Variants in MID1 observed in about 807,000 individuals in gnomAD.
The protein encoded by MID1 is midline 1.
A neutral mutation model predicts 40.4 loss-of-function variants in MID1; 7 were observed. The ratio of observed to expected loss-of-function variants is 0.17; its 90% CI spans 0.10 to 0.33. The LOEUF is 0.33. Ranked by LOEUF, MID1 falls within the 10% of genes least tolerant of loss-of-function variation. The pLI is 1.00. For missense variants in MID1, 367 were observed against 558.5 expected, an observed-to-expected ratio of 0.66 and a Z score of 3.46; for synonymous variants, 229 against 221.2, an observed-to-expected ratio of 1.04 and a Z score of -0.31.
intron 7 of MID1, among the ~76,000 whole-genome samples, chrX:10,463,805 A>C (rs1929188547): frequency 8.9e-6 from 1 of 112,730 alleles, no homozygotes; most frequent in Non-Finnish European, 1.9e-5. Context: ...AAGACTGCAG[A>C]GCTAGTGAGG....
intron 1 of MID1, among the ~76,000 whole-genome samples, chrX:10,736,423 T>C (rs1293562156): frequency 8.9e-6 from 1 of 112,288 alleles, no homozygotes; most frequent in Non-Finnish European, 1.9e-5. Flanking sequence ...CTCCAGGATG[T>C]TCATATGCCA....
At chrX:10,661,396 T>A (rs1026754178) in intron 1 of MID1, among the ~76,000 whole-genome samples, 21 of 108,581 alleles carry the variant, frequency 1.9e-4, no homozygotes, top group Non-Finnish European at 3.4e-4. Context: ...CACTGCAAAC[T>A]CTACCTTCTG....
At chrX:10,535,786 A>T (rs955844100) in intron 2 of MID1, among the ~76,000 whole-genome samples, 4 of 112,498 alleles carry the variant, frequency 3.6e-5, no homozygotes, top group African/African-American at 1.3e-4. Flanking sequence ...GAAAAACATT[A>T]AAAAAATTCT....
chrX:10,455,392 C>CCAGTT (rs1928598776), intron 8 of MID1, among the ~76,000 whole-genome samples: 1 of 111,641 alleles, frequency 9.0e-6, no homozygotes, highest in South Asian at 3.8e-4. Context: ...TTTCAGTCTA[C>CCAGTT]CAGTTCTAAG....
intron 1 of MID1, among the ~76,000 whole-genome samples, chrX:10,722,329 G>C (rs1300753369): frequency 8.9e-6 from 1 of 112,190 alleles, no homozygotes; most frequent in East Asian, 2.8e-4. Context: ...CTAAGGATAT[G>C]AGATGTGCCT....
At chrX:10,757,817 T>C (rs910662968) in intron 1 of MID1, among the ~76,000 whole-genome samples, 3 of 110,951 alleles carry the variant, frequency 2.7e-5, no homozygotes, top group Non-Finnish European at 5.7e-5. Context: ...TAAAGGGGGG[T>C]TTCTATTTTT....
At chrX:10,496,601 A>G (rs1387111945) in intron 3 of MID1, among the ~76,000 whole-genome samples, 1 of 112,634 alleles carries the variant, frequency 8.9e-6, no homozygotes, top group East Asian at 2.8e-4. Context: ...AAAGAATGAC[A>G]ATGGCATTGA....
intron 3 of MID1, among the ~76,000 whole-genome samples, chrX:10,512,599 G>A (rs1932212613): frequency 8.9e-6 from 1 of 111,861 alleles, no homozygotes; most frequent in African/African-American, 3.3e-5. Flanking sequence ...TACAGTCTAT[G>A]TGTTGCTGTG....
At chrX:10,465,912 T>C (rs1420392605) in intron 7 of MID1, among the ~76,000 whole-genome samples, 1 of 112,269 alleles carries the variant, frequency 8.9e-6, no homozygotes, top group Non-Finnish European at 1.9e-5. Context: ...TTTTTGGAAA[T>C]TTGTTTCACA....
intron 7 of MID1, chrX:10,460,180 G>A (rs758424063): frequency 1.5e-5 from 4 of 268,798 alleles, no homozygotes; most frequent in Non-Finnish European, 2.7e-5. Flanking sequence ...GAGGGTTTCT[G>A]TTGACCCTTT....
At chrX:10,639,826 A>G (rs1936167174) in intron 1 of MID1, among the ~76,000 whole-genome samples, 1 of 112,129 alleles carries the variant, frequency 8.9e-6, no homozygotes, top group Admixed American at 9.4e-5. Flanking sequence ...GTCGGCAGAA[A>G]CTCTACAAGC....
chrX:10,718,719 C>G (rs1716411985), intron 1 of MID1, among the ~76,000 whole-genome samples: 1 of 111,645 alleles, frequency 9.0e-6, no homozygotes, highest in Non-Finnish European at 1.9e-5. Flanking sequence ...CATCCTGATA[C>G]CAAAGCATGG....
intron 1 of MID1, among the ~76,000 whole-genome samples, chrX:10,768,634 A>G (rs1260640994): frequency 9.0e-6 from 1 of 111,557 alleles, no homozygotes; most frequent in Non-Finnish European, 1.9e-5. Context: ...GAATACAAGA[A>G]TATTAGTTCT....
At chrX:10,664,587 T>C (rs894492124) in intron 1 of MID1, among the ~76,000 whole-genome samples, 3 of 112,694 alleles carry the variant, frequency 2.7e-5, no homozygotes, top group African/African-American at 9.7e-5. Flanking sequence ...TGTGTGAACA[T>C]ATGTTTTCAT....
intron 5 of MID1, chrX:10,475,072 G>A (rs768210950): frequency 1.1e-5 from 4 of 348,680 alleles, no homozygotes; most frequent in South Asian, 7.8e-5. Context: ...GCCCGGTCAC[G>A]TCTAACCCCA....
At chrX:10,735,094 T>C (rs1465606027) in intron 1 of MID1, among the ~76,000 whole-genome samples, 2 of 111,692 alleles carry the variant, frequency 1.8e-5, no homozygotes, top group African/African-American at 3.3e-5. Context: ...TTAGACATAA[T>C]AGGGATTTTT....
chrX:10,531,171 T>C (rs1219723485), intron 2 of MID1, among the ~76,000 whole-genome samples: 1 of 111,522 alleles, frequency 9.0e-6, no homozygotes, highest in Non-Finnish European at 1.9e-5. Context: ...CCACGACCCA[T>C]ATATTTTCTT....
At chrX:10,665,498 T>G (rs973360770) in intron 1 of MID1, among the ~76,000 whole-genome samples, 1 of 109,860 alleles carries the variant, frequency 9.1e-6, no homozygotes, top group African/African-American at 3.3e-5. Flanking sequence ...AAACAGTTCC[T>G]GACCTGTCAC....
chrX:10,632,849 T>A (rs1437292824), intron 1 of MID1, among the ~76,000 whole-genome samples: 2 of 111,525 alleles, frequency 1.8e-5, no homozygotes, highest in Middle Eastern at 4.7e-3. Context: ...TTTCATGACA[T>A]ATGAAAAGTA....
Sources: allele counts gnomAD v4.1 joint callset (sites outside exome capture counted in the v4.1 genomes callset), GRCh38; gene constraint gnomAD v4.1.1; transcripts MANE v1.5; gene names NCBI Gene and HGNC (gene_info 2026-07-23, HGNC 2026-07-21).